Variants in GRM1 observed in about 807,000 individuals in gnomAD.
GRM1 encodes the protein glutamate metabotropic receptor 1, also known as metabotropic glutamate receptor 1.
Under a neutral mutation model 90.9 loss-of-function variants are expected in GRM1, and 33 were observed. The observed-to-expected ratio is 0.36, with a 90% CI of 0.28 to 0.49. The LOEUF is 0.49. GRM1 is among the 20% of genes least tolerant of loss of function. The probability of loss-of-function intolerance (pLI) is 0.99; values close to 1 mark genes in which losing one functional copy is unlikely to be tolerated. For missense variants in GRM1, 1,190 were observed against 1,534.3 expected, an observed-to-expected ratio of 0.78 and a Z score of 3.75; for synonymous variants, 700 against 613.2, an observed-to-expected ratio of 1.14 and a Z score of -2.09.
intron 7 of GRM1, among the ~76,000 whole-genome samples, chr6:146,420,383 C>T (rs536187517): frequency 1.3e-4 from 20 of 152,232 alleles, no homozygotes; most frequent in African/African-American, 4.8e-4. Flanking sequence ...ATGAAGTGCA[C>T]TAGTGCACAG....
intron 2 of GRM1, among the ~76,000 whole-genome samples, chr6:146,264,806 C>T (rs78655721): frequency 0.023 from 3,521 of 152,148 alleles, 54 homozygotes; most frequent in Non-Finnish European, 0.034. Flanking sequence ...ACTGTTTCTT[C>T]GTTATTTCAC....
chr6:146,417,193 T>C (rs1777818510), intron 7 of GRM1, among the ~76,000 whole-genome samples: 1 of 152,222 alleles, frequency 6.6e-6, no homozygotes, highest in South Asian at 2.1e-4. Context: ...GATGATCCGC[T>C]TACCTCTCTG....
intron 2 of GRM1, among the ~76,000 whole-genome samples, chr6:146,194,757 A>C (rs1779057997): frequency 6.6e-6 from 1 of 152,220 alleles, no homozygotes; most frequent in South Asian, 2.1e-4. Context: ...ATATTGTCCC[A>C]CAGGTCACTC....
chr6:146,328,534 C>G (rs551013632), intron 3 of GRM1, among the ~76,000 whole-genome samples: 3 of 152,236 alleles, frequency 2.0e-5, no homozygotes, highest in African/African-American at 7.2e-5. Flanking sequence ...TTATGTGATC[C>G]TCCTAAAAAC....
Position 146,334,284 on chromosome 6 carries a change from C to A in GRM1, c.1187-17966C>A, listed in dbSNP as rs76262533. ...GATGTCTGTAGCAGAACCTGGCAGC[C>A]TACTGCCTAGACCCATCCTCTTCCA... is the stretch of plus-strand genomic sequence containing the variant. On this transcript the variant is annotated intron_variant, in intron 3 of 7. Coordinates refer to ENST00000282753, the MANE Select transcript of GRM1 (RefSeq NM_001278064.2). Among the ~76,000 whole-genome samples the A allele has an allele frequency of 1.2e-3, 180 of 152,338 alleles. 3 individuals are homozygous for A. In the East Asian group the frequency reaches 0.017, roughly 14 times the overall value.
chr6:146,087,415 C>G (rs1582984326), intron 1 of GRM1, among the ~76,000 whole-genome samples: 1 of 152,108 alleles, frequency 6.6e-6, no homozygotes. Flanking sequence ...AGACATTATT[C>G]AGATTTCACT....
chr6:146,104,507 C>T lies in GRM1; in HGVS notation c.701-54841C>T, dbSNP rs554373495. The stretch of plus-strand genomic sequence containing the variant: ...GACAATGTGTAAAATGAGGAGATAA[C>T]GAAAGATACCTAAAGAAGACCAATG... On this transcript the variant is annotated intron_variant, in intron 1 of 7. Coordinates refer to ENST00000282753, the MANE Select transcript of GRM1 (RefSeq NM_001278064.2). Among the ~76,000 whole-genome samples the T allele has an allele frequency of 1.7e-3, 252 of 151,806 alleles. 2 individuals are homozygous for T. The highest frequency in any genetic ancestry group is 5.7e-3 in the African/African-American group (236 of 41,372).
intron 2 of GRM1, among the ~76,000 whole-genome samples, chr6:146,266,983 C>T (rs1464751934): frequency 2.6e-5 from 4 of 152,190 alleles, no homozygotes; most frequent in Admixed American, 6.5e-5. Context: ...CACAGATCAT[C>T]CCATCACCTA....
Position 146,434,701 on chromosome 6 carries a change from T to A in GRM1, c.3490T>A (p.Ser1164Thr). The change falls in exon 8 of 8, where the codon TCC becomes ACC. Residue 1164 changes from serine (S) to threonine (T), a missense_variant. Transcript: ENST00000282753. ...SVASGSSVPS[S>T]PVSESVLCTP... ...GGCCTCGGGCAGCTCGGTGCCCAGC[T>A]CCCCCGTGTCCGAGTCGGTGCTCTG... 6.2e-7 allele frequency: 1 copy of A among 1,604,010 alleles called. No individual in the cohort carries two copies. The highest frequency in any genetic ancestry group is 8.5e-7 in the Non-Finnish European group (1 of 1,179,900).
intron 1 of GRM1, among the ~76,000 whole-genome samples, chr6:146,135,888 T>G (rs1017082118): frequency 1.3e-5 from 2 of 152,084 alleles, no homozygotes; most frequent in Non-Finnish European, 2.9e-5. Flanking sequence ...TTCTTTCTAT[T>G]TTTTTATACC....
chr6:146,319,935 T>C (rs1283852404), intron 3 of GRM1, among the ~76,000 whole-genome samples: 3 of 152,190 alleles, frequency 2.0e-5, no homozygotes, highest in Admixed American at 2.0e-4. Context: ...CTTCCTCTTC[T>C]CCTATTTGAA....
intron 3 of GRM1, among the ~76,000 whole-genome samples, chr6:146,332,556 AGGCAGAGAAAGTTCTCACTTTAAT>A (rs1428762369): frequency 6.6e-6 from 1 of 152,170 alleles, no homozygotes; most frequent in East Asian, 1.9e-4. Context: ...CTCTAATCCC[AGGCAGAGAAAGTTCTCACTTTAAT>A]GGCCCATATG....
chr6:146,406,903 TG>T (rs1434497615), intron 7 of GRM1, among the ~76,000 whole-genome samples: 1 of 152,080 alleles, frequency 6.6e-6, no homozygotes, highest in African/African-American at 2.4e-5. Flanking sequence ...AGAAGGGTAT[TG>T]TGTATCCAGA....
intron 5 of GRM1, among the ~76,000 whole-genome samples, chr6:146,377,703 T>A (rs1366684846): frequency 1.3e-5 from 2 of 151,848 alleles, no homozygotes; most frequent in African/African-American, 2.4e-5. Flanking sequence ...ATGGGGAAAA[T>A]GTCAACAGGC....
At chr6:146,183,883 T>C (rs968537623) in intron 2 of GRM1, among the ~76,000 whole-genome samples, 1 of 152,166 alleles carries the variant, frequency 6.6e-6, no homozygotes, top group Non-Finnish European at 1.5e-5. Flanking sequence ...CTTTGTGCAG[T>C]TTCTGTAAAG....
chr6:146,405,710 G>A (rs73785360), intron 7 of GRM1, among the ~76,000 whole-genome samples: 4 of 151,922 alleles, frequency 2.6e-5, no homozygotes, highest in East Asian at 3.9e-4. Context: ...TTGTTTGTTT[G>A]TTTGTTTGTT....
chr6:146,402,433 A>G lies in GRM1; in HGVS notation c.2660+2734A>G, dbSNP rs146552225. On this transcript the variant is annotated intron_variant, in intron 7 of 7. Coordinates refer to ENST00000282753, the MANE Select transcript of GRM1 (RefSeq NM_001278064.2). Reference sequence around the variant, plus strand: ...GTTTTTACCTTTTTATTGCCATTTTATATTTTCTTAGTTTGTCTCCAAAGT... The same window carrying G: ...GTTTTTACCTTTTTATTGCCATTTTGTATTTTCTTAGTTTGTCTCCAAAGT... Among the ~76,000 whole-genome samples, 653 of 152,240 alleles carry G rather than the reference A, an allele frequency of 4.3e-3. 2 individuals are homozygous for G. Among genetic ancestry groups the G allele is most frequent in the African/African-American group, 0.014 (602 of 41,538 alleles).
intron 3 of GRM1, among the ~76,000 whole-genome samples, chr6:146,309,590 T>C (rs1178504598): frequency 1.3e-5 from 2 of 152,136 alleles, no homozygotes; most frequent in South Asian, 4.1e-4. Flanking sequence ...TGCTTCATGG[T>C]CTTTATAACC....
chr6:146,332,434 G>A (rs900085702), intron 3 of GRM1, among the ~76,000 whole-genome samples: 4 of 152,132 alleles, frequency 2.6e-5, no homozygotes, highest in Non-Finnish European at 5.9e-5. Flanking sequence ...TGTTCCTAGA[G>A]GTTGTTCCTG....
Sources: gnomAD v4.1 joint callset for allele counts (sites outside exome capture counted in the v4.1 genomes callset) on GRCh38, gnomAD v4.1.1 for gene constraint, MANE v1.5 for transcripts, NCBI Gene and HGNC (gene_info 2026-07-23, HGNC 2026-07-21) for gene names.